HCN1: variants seen among roughly 807,000 people sequenced by gnomAD.
HCN1 encodes hyperpolarization activated cyclic nucleotide gated potassium channel 1.
HCN1 carries 13 observed loss-of-function variants against 78.9 expected under a neutral mutation model. That is an observed-to-expected ratio of 0.16 (90% CI 0.11 to 0.26). The LOEUF (loss-of-function observed/expected upper bound fraction) is 0.26. HCN1 is among the 10% of genes least tolerant of loss of function. The pLI, the probability that HCN1 is intolerant of heterozygous loss-of-function variation, is 1.00. For synonymous variants in HCN1, 552 were observed against 455.5 expected (o/e 1.21, Z -2.70); for missense variants, 810 against 1,154.3 (o/e 0.70, Z 4.32).
intron 5 of HCN1, among the ~76,000 whole-genome samples, chr5:45,326,756 T>C (rs576673203): frequency 9.9e-5 from 15 of 151,744 alleles, no homozygotes; most frequent in Admixed American, 7.9e-4. Context: ...ACAGTTCTGG[T>C]ATGCATTTAA....
At chr5:45,405,285 G>A (rs1739899528) in intron 3 of HCN1, among the ~76,000 whole-genome samples, 1 of 152,158 alleles carries the variant, frequency 6.6e-6, no homozygotes, top group Admixed American at 6.5e-5. Flanking sequence ...GGTCATCAGT[G>A]TCAAAAAGAG....
At chr5:45,675,530 C>A (rs760922812) in intron 1 of HCN1, among the ~76,000 whole-genome samples, 1 of 151,796 alleles carries the variant, frequency 6.6e-6, no homozygotes, top group Non-Finnish European at 1.5e-5. Context: ...AAAAATCACA[C>A]AATTATGCCA....
intron 4 of HCN1, among the ~76,000 whole-genome samples, chr5:45,384,361 T>C (rs1747873760): frequency 7.9e-5 from 12 of 152,186 alleles, no homozygotes; most frequent in Admixed American, 7.9e-4. Flanking sequence ...GTGAGATCTA[T>C]GGTATTTCAT....
chr5:45,362,547 AC>A (rs1383045970), intron 4 of HCN1, among the ~76,000 whole-genome samples: 1 of 152,102 alleles, frequency 6.6e-6, no homozygotes, highest in African/African-American at 2.4e-5. Flanking sequence ...ATGTCCAGTT[AC>A]AATAATTAAA....
rs1290732103 is a variant in HCN1, at chr5:45,461,972, C to T, written c.885G>A (p.Val295=). The part of the protein sequence containing the change: ...FHMTYDLASA[V]VRIFNLIGMM... The stretch of plus-strand genomic sequence containing the variant: ...TGCCGATGAGATTAAAAATTCTCAC[C>T]ACTGCACTGGCGAGATCATATGTCA... The change falls in exon 3 of 8, where the codon GTG becomes GTA. Residue 295 remains valine (V), a synonymous_variant. Transcript: ENST00000303230. 1 of 1,613,206 alleles carries T rather than the reference C, an allele frequency of 6.2e-7. No homozygotes were observed. Among genetic ancestry groups the T allele is most frequent in the African/African-American group, 1.3e-5 (1 of 74,882 alleles).
intron 2 of HCN1, among the ~76,000 whole-genome samples, chr5:45,515,495 T>C (rs1742499451): frequency 1.3e-5 from 2 of 152,018 alleles, no homozygotes; most frequent in South Asian, 4.1e-4. Context: ...ATTCAAAATG[T>C]ATTACACTTT....
At chr5:45,328,066 C>T (rs898666927) in intron 5 of HCN1, among the ~76,000 whole-genome samples, 4 of 151,586 alleles carry the variant, frequency 2.6e-5, no homozygotes, top group Admixed American at 2.0e-4. Flanking sequence ...GTACAGTAGT[C>T]CCCTGTCCTC....
At chr5:45,504,777 T>G (rs975054491) in intron 2 of HCN1, among the ~76,000 whole-genome samples, 1 of 152,228 alleles carries the variant, frequency 6.6e-6, no homozygotes, top group Non-Finnish European at 1.5e-5. Flanking sequence ...TCCTGACTTT[T>G]TAATGATTGT....
intron 4 of HCN1, among the ~76,000 whole-genome samples, chr5:45,379,460 T>A (rs1747759842): frequency 6.8e-6 from 1 of 146,980 alleles, no homozygotes; most frequent in Admixed American, 6.8e-5. Flanking sequence ...TTTGTGTATG[T>A]TTGAAACTAT....
At chr5:45,435,901 C>T (rs1026323502) in intron 3 of HCN1, among the ~76,000 whole-genome samples, 1 of 152,136 alleles carries the variant, frequency 6.6e-6, no homozygotes, top group Non-Finnish European at 1.5e-5. Flanking sequence ...ACAAATGATA[C>T]ATGAACAAGT....
At chr5:45,419,266 A>T (rs1378543590) in intron 3 of HCN1, among the ~76,000 whole-genome samples, 4 of 152,192 alleles carry the variant, frequency 2.6e-5, no homozygotes, top group Non-Finnish European at 4.4e-5. Context: ...CTGCTTACCC[A>T]GTACCAGCAA....
intron 2 of HCN1, among the ~76,000 whole-genome samples, chr5:45,470,521 T>C (rs968948689): frequency 2.0e-5 from 3 of 151,900 alleles, no homozygotes; most frequent in Non-Finnish European, 2.9e-5. Flanking sequence ...GATTCACTAG[T>C]TGGACACCTT....
Position 45,670,609 on chromosome 5 carries a change from CGAA to C in HCN1, c.426-25004_426-25002del, listed in dbSNP as rs560713314. ...ATGCCCCTACACTATTTTAATCTAA[CGAA>C]GTCTCAATTTACTCTGCTGTAACAT... On this transcript the variant is annotated intron_variant, in intron 1 of 7. Transcript: ENST00000303230. 2.4e-4 allele frequency among the ~76,000 whole-genome samples: 37 copies of C among 151,792 alleles called. No individual in the cohort carries two copies. The East Asian group carries it at 6.8e-3, about 28-fold the overall frequency.
chr5:45,328,744 G>A (rs1326509602), intron 5 of HCN1, among the ~76,000 whole-genome samples: 3 of 151,570 alleles, frequency 2.0e-5, no homozygotes, highest in Non-Finnish European at 4.4e-5. Flanking sequence ...TTATTCTCTA[G>A]TAACGAACTG....
At chr5:45,288,025 C>T (rs1745302059) in intron 6 of HCN1, among the ~76,000 whole-genome samples, 1 of 152,104 alleles carries the variant, frequency 6.6e-6, no homozygotes, top group African/African-American at 2.4e-5. Context: ...TCCAGTTTTA[C>T]AGGTTTGGAG....
chr5:45,522,588 T>C (rs1487626198), intron 2 of HCN1, among the ~76,000 whole-genome samples: 1 of 151,712 alleles, frequency 6.6e-6, no homozygotes, highest in African/African-American at 2.4e-5. Flanking sequence ...ATCCTTAAAA[T>C]GTAAGTCTCT....
chr5:45,412,603 T>C (rs933362265), intron 3 of HCN1, among the ~76,000 whole-genome samples: 1 of 152,116 alleles, frequency 6.6e-6, no homozygotes, highest in Non-Finnish European at 1.5e-5. Context: ...CTTCTCTCTA[T>C]TTACATAAGA....
chr5:45,593,320 T>TCTCC (rs1237896363), intron 2 of HCN1, among the ~76,000 whole-genome samples: 1,362 of 50,398 alleles, frequency 0.027, 21 homozygotes, highest in African/African-American at 0.059. Flanking sequence ...TCTCTCTCTC[T>TCTCC]CCCTCTCTCT....
At chr5:45,372,489 A>G (rs1333688785) in intron 4 of HCN1, among the ~76,000 whole-genome samples, 2 of 127,660 alleles carry the variant, frequency 1.6e-5, no homozygotes, top group Non-Finnish European at 3.1e-5. Flanking sequence ...TAAAACATTT[A>G]CATATAAAAA....
Sources: gnomAD v4.1 joint callset for allele counts (sites outside exome capture counted in the v4.1 genomes callset) on GRCh38, gnomAD v4.1.1 for gene constraint, MANE v1.5 for transcripts, NCBI Gene and HGNC (gene_info 2026-07-23, HGNC 2026-07-21) for gene names.